Variants in FBXO41 observed in about 807,000 individuals in gnomAD.
FBXO41 encodes the protein F-box protein 41, also known as F-box only protein 41.
Under a neutral mutation model 81.6 loss-of-function variants are expected in FBXO41, and 33 were observed. That is an observed-to-expected ratio of 0.40 (90% CI 0.31 to 0.54). The LOEUF (loss-of-function observed/expected upper bound fraction) is 0.54, where lower values mean the gene tolerates loss of function less well. Ranked by LOEUF, FBXO41 falls within the 20% of genes least tolerant of loss-of-function variation. The pLI is 0.39. For missense variants in FBXO41, 1,107 were observed against 1,236.0 expected (o/e 0.90, Z 1.56); for synonymous variants, 576 against 552.7 (o/e 1.04, Z -0.59).
chr2:73,268,668 G>A (rs1291611851), intron 2 of FBXO41, 58 bp downstream of exon 2: 15 of 1,433,748 alleles, frequency 1.0e-5, no homozygotes, highest in African/African-American at 2.9e-5. Flanking sequence ...CGGTGGTGGT[G>A]GTGGCACAGT....
At chr2:73,261,117 T>C (rs1195750492) in intron 9 of FBXO41, among the ~76,000 whole-genome samples, 1 of 151,396 alleles carries the variant, frequency 6.6e-6, no homozygotes, top group Non-Finnish European at 1.5e-5. Flanking sequence ...AGTGCAGTGG[T>C]GCAATTTCGG....
At chr2:73,271,627 C>CCCG in intron 1 of FBXO41, 1 of 146,156 alleles carries the variant, frequency 6.8e-6, no homozygotes, top group East Asian at 2.2e-4. Context: ...CTGCACTCCC[C>CCCG]CCCCCCCAAC....
chr2:73,269,124 C>G lies in FBXO41; in HGVS notation c.507G>C (p.Ser169=). The G allele has an allele frequency of 6.6e-7, 1 of 1,513,742 alleles. No homozygotes were observed. Among genetic ancestry groups the G allele is most frequent in the South Asian group, 1.2e-5 (1 of 81,168 alleles). 93.8% of individuals were successfully genotyped at this position (1,513,742 alleles called of 1,614,324 possible). ...ARKSVASSAC[S]TPPPGPGPGP... ...CGGGGCCGGGGCCAGGCGGCGGCGT[C>G]GAGCACGCCGAGGACGCCACGGACT... The change falls in exon 2 of 13, where the codon TCG becomes TCC. Residue 169 remains serine, a synonymous_variant. Transcript: ENST00000520530. This position sits in a 1 kb window ranked among gnomAD's most constrained non-coding sequence, Gnocchi z 7.0.
intron 1 of FBXO41, among the ~76,000 whole-genome samples, chr2:73,279,602 C>T (rs1470644340): frequency 6.6e-6 from 1 of 152,032 alleles, no homozygotes; most frequent in African/African-American, 2.4e-5. Context: ...GTTGAAAACT[C>T]AAGTAAGAGC....
chr2:73,264,822 G>A (rs749554755), intron 5 of FBXO41, among the ~76,000 whole-genome samples: 4 of 152,012 alleles, frequency 2.6e-5, no homozygotes, highest in Non-Finnish European at 5.9e-5. Context: ...TTGGGGGGGC[G>A]GTGGTGCTGG....
chr2:73,274,910 T>C (rs891140549), intron 1 of FBXO41, among the ~76,000 whole-genome samples: 3 of 150,600 alleles, frequency 2.0e-5, no homozygotes, highest in Admixed American at 1.3e-4. Context: ...AAACGGAGTA[T>C]CGCTCTGTCG....
chr2:73,282,220 C>T (rs1184838438), intron 1 of FBXO41, among the ~76,000 whole-genome samples: 1 of 152,162 alleles, frequency 6.6e-6, no homozygotes, highest in Non-Finnish European at 1.5e-5. Context: ...TCTCGAACTC[C>T]TGACCTCAGG....
Position 73,269,343 on chromosome 2 carries a change from G to A in FBXO41, c.288C>T (p.Ala96=), listed in dbSNP as rs1279207186. The A allele has an allele frequency of 4.6e-6, 7 of 1,518,660 alleles. No individual in the cohort carries two copies. Among genetic ancestry groups the A allele is most frequent in the Non-Finnish European group, 6.2e-6 (7 of 1,134,644 alleles). 94.1% of individuals were successfully genotyped at this position (1,518,660 alleles called of 1,614,324 possible). A position where few individuals can be genotyped will look rare whatever the true frequency, so the allele number is the denominator to read the frequency against. ...GGTGCGGCGCCGCGGGCGACGGCCC[G>A]GCCGCCTGCTCCTTGCCCTGGAAGG... ...STSFQGKEQA[A]GPSPAAPHLL... Residue 96 remains alanine (A), a synonymous_variant, in exon 2 of 13, where the codon GCC becomes GCT. Coordinates refer to ENST00000520530, the MANE Select transcript of FBXO41 (RefSeq NM_001371389.2). The surrounding 1 kb of genome is among the most constrained non-coding windows in gnomAD (Gnocchi z 7.0).
chr2:73,266,719 C>T lies in FBXO41; in HGVS notation c.906-37G>A, dbSNP rs373364296. The T allele has an allele frequency of 8.7e-6, 13 of 1,500,538 alleles. No individual in the cohort carries two copies. The African/African-American group carries it at 1.7e-4, about 19-fold the overall frequency. 93.0% of individuals were successfully genotyped at this position (1,500,538 alleles called of 1,614,324 possible). On this transcript the variant is annotated intron_variant, in intron 2 of 12. Transcript: ENST00000520530. The surrounding 1 kb of genome is among the most constrained non-coding windows in gnomAD (Gnocchi z 5.3). ...GCAGTCTCTTACCCCAGAGCCTCAG[C>T]CTGCCTGCCCACCCACCCTCTGGAG...
chr2:73,267,816 A>G (rs1389648744), intron 2 of FBXO41, among the ~76,000 whole-genome samples: 6 of 152,248 alleles, frequency 3.9e-5, no homozygotes, highest in Non-Finnish European at 5.9e-5. Flanking sequence ...CACAAAGTCT[A>G]TTTTATAAAA....
At chr2:73,283,681 G>A (rs1322217606) in intron 1 of FBXO41, among the ~76,000 whole-genome samples, 1 of 152,198 alleles carries the variant, frequency 6.6e-6, no homozygotes, top group Non-Finnish European at 1.5e-5. Context: ...AGACACATGC[G>A]TGCACACACA....
chr2:73,271,647 T>C (rs1688500363), intron 1 of FBXO41: 1 of 149,006 alleles, frequency 6.7e-6, no homozygotes, highest in Non-Finnish European at 1.5e-5. Context: ...CTTCTTTTTT[T>C]TGAGATGGAG....
Position 73,258,886 on chromosome 2 carries a change from G to C in FBXO41, c.*96C>G. 1 of 1,302,690 alleles carries C rather than the reference G, an allele frequency of 7.7e-7. No individual in the cohort carries two copies. Among genetic ancestry groups the C allele is most frequent in the Non-Finnish European group, 1.0e-6 (1 of 964,356 alleles). The allele number at this position is 1,302,690 out of a possible 1,614,324, so 80.7% of individuals were successfully genotyped here. ...CTCCAGAAGCCAGGGATAACACTCG[G>C]CCTCCAAAGGTCTAGTCCAAACCAG... On this transcript the variant is annotated 3_prime_UTR_variant, in exon 13 of 13. Transcript: ENST00000520530.
Position 73,255,645 on chromosome 2 carries a change from C to A in FBXO41, c.*3337G>T, listed in dbSNP as rs1217337175. The A allele has an allele frequency of 6.6e-6, 1 of 152,630 alleles. No individual in the cohort carries two copies. The highest frequency in any genetic ancestry group is 1.5e-5 in the Non-Finnish European group (1 of 68,060). 9.5% of individuals were successfully genotyped at this position (152,630 alleles called of 1,614,324 possible). A position where few individuals can be genotyped will look rare whatever the true frequency, so the allele number is the denominator to read the frequency against. ...TGGGACTTTGGCACCAATAGTCACT[C>A]TGGGAAGGCCTCCTTCAACTTAGCG... On this transcript the variant is annotated 3_prime_UTR_variant, in exon 13 of 13. Transcript: ENST00000520530.
chr2:73,259,399 C>T lies in FBXO41; in HGVS notation c.2450-103G>A. 1 of 984,888 alleles carries T rather than the reference C, an allele frequency of 1.0e-6. No individual in the cohort carries two copies. 61.0% of individuals were successfully genotyped at this position (984,888 alleles called of 1,614,324 possible). A position where few individuals can be genotyped will look rare whatever the true frequency, so the allele number is the denominator to read the frequency against. ...AAATCAGACAATCAGGTGCCAGCTA[C>T]CGGGAACACGACAGAGGAGAGCAGA... On this transcript the variant is annotated intron_variant, in intron 11 of 12. Transcript: ENST00000520530. The surrounding 1 kb of genome is among the most constrained non-coding windows in gnomAD (Gnocchi z 4.2).
chr2:73,273,888 A>G (rs1434854270), intron 1 of FBXO41, among the ~76,000 whole-genome samples: 1 of 152,148 alleles, frequency 6.6e-6, no homozygotes, highest in Non-Finnish European at 1.5e-5. Context: ...CCTACTACCC[A>G]GCACCCCTGT....
At chr2:73,263,109 T>TCG in intron 9 of FBXO41, 104 bp downstream of exon 9, 1 of 863,862 alleles carries the variant, frequency 1.2e-6, no homozygotes, top group Non-Finnish European at 1.8e-6. Flanking sequence ...TGTGTGGATC[T>TCG]GTCCTAATAG....
rs1256390163 is a variant in FBXO41, at chr2:73,255,891, C to T, written c.*3091G>A. ...ACAGAACCAAGAAAACAGGAGCTGC[C>T]TTGATCCTTAGGTGGTCTCTCCTGG... On this transcript the variant is annotated 3_prime_UTR_variant, in exon 13 of 13. Coordinates refer to ENST00000520530, the MANE Select transcript of FBXO41 (RefSeq NM_001371389.2). 1.3e-5 allele frequency: 2 copies of T among 152,250 alleles called. No individual in the cohort carries two copies. Among genetic ancestry groups the T allele is most frequent in the African/African-American group, 4.8e-5 (2 of 41,422 alleles). The allele number at this position is 152,250 out of a possible 1,614,324, so 9.4% of individuals were successfully genotyped here. A position where few individuals can be genotyped will look rare whatever the true frequency, so the allele number is the denominator to read the frequency against.
At chr2:73,264,543 AG>A in intron 5 of FBXO41, 24 bp from the exon 6 acceptor site, 1 of 1,612,118 alleles carries the variant, frequency 6.2e-7, no homozygotes, top group Non-Finnish European at 8.5e-7. Flanking sequence ...GGGGTTCAAA[AG>A]TGAGCGTGGA....
Sources: gnomAD v4.1 joint callset for allele counts (sites outside exome capture counted in the v4.1 genomes callset) on GRCh38, gnomAD v4.1.1 for gene constraint, Gnocchi (gnomAD v3.1) non-coding constraint, MANE v1.5 for transcripts, NCBI Gene and HGNC (gene_info 2026-07-23, HGNC 2026-07-21) for gene names.